The following NEFL variants were observed in gnomAD, a reference collection of about 807,000 sequenced individuals.
NEFL encodes the protein neurofilament light polypeptide.
Under a neutral mutation model 51.6 loss-of-function variants are expected in NEFL, and 36 were observed. The ratio of observed to expected loss-of-function variants is 0.70; its 90% CI spans 0.53 to 0.92. The LOEUF is 0.92. Among genes scored for constraint, NEFL ranks in the 40% least tolerant of loss-of-function variants. The pLI is 0.00. For missense variants in NEFL, 671 were observed against 722.0 expected, an observed-to-expected ratio of 0.93 and a Z score of 0.81; for synonymous variants, 332 against 302.5, an observed-to-expected ratio of 1.10 and a Z score of -1.01.
In NEFL at chr8:24,955,953, G is replaced by T. The variant is rs748257673; in HGVS notation, c.563C>A (p.Ala188Asp). Residue 188 changes from alanine to aspartate, a missense_variant, in exon 1 of 4, where the codon GCC becomes GAC. Ala to Asp is a moderately radical substitution (Grantham distance 126, BLOSUM62 -2). Transcript: ENST00000610854. The surrounding 1 kb of genome is among the most constrained non-coding windows in gnomAD (Gnocchi z 4.0). ...GCGCGCTTCCATCAGCCGGCCCTCG[G>T]CGTCCTCGCGGCTCAGCACCTCCTC... ...YEEEVLSREDAEGRLMEARKG... is the reference protein window; with the variant it reads ...YEEEVLSREDDEGRLMEARKG... 2 of 1,602,734 alleles carry T rather than the reference G, an allele frequency of 1.2e-6. No homozygotes were observed. Among genetic ancestry groups the T allele is most frequent in the Non-Finnish European group, 8.5e-7 (1 of 1,179,174 alleles).
rs763967562 is a variant in NEFL, at chr8:24,954,325, A to T, written c.1045-20T>A. 1 of 1,606,606 alleles carries T rather than the reference A, an allele frequency of 6.2e-7. No homozygotes were observed. The highest frequency in any genetic ancestry group is 8.5e-7 in the Non-Finnish European group (1 of 1,178,058). On this transcript the variant is annotated intron_variant, in intron 1 of 3. Coordinates refer to ENST00000610854, the MANE Select transcript of NEFL (RefSeq NM_006158.5). ...CGTGTCCTGTTTGAAGACAAAAATA[A>T]AACAAAAAAAAAATCCGAGCATAAA...
At chr8:24,953,392 A>G (rs1802995569) in intron 3 of NEFL, 84 bp downstream of exon 3, 2 of 1,537,298 alleles carry the variant, frequency 1.3e-6, no homozygotes, top group South Asian at 2.4e-5. Flanking sequence ...TAAATGAGCA[A>G]GGCTTCATTT....
At position 24,956,144 on chromosome 8, in the gene NEFL, C is replaced by T. The variant is rs1433367736; in HGVS notation, c.372G>A (p.Val124=). The T allele has an allele frequency of 2.5e-6, 4 of 1,609,604 alleles. No homozygotes were observed. Among genetic ancestry groups the T allele is most frequent in the Admixed American group, 3.4e-5 (2 of 59,686 alleles). Residue 124 remains valine, a synonymous_variant, in exon 1 of 4, where the codon GTG becomes GTA. Transcript: ENST00000610854. The surrounding 1 kb of genome is among the most constrained non-coding windows in gnomAD (Gnocchi z 5.9). ...QNKVLEAELL[V]LRQKHSEPSR... ...ATGGCTCGGAGTGCTTCTGGCGCAG[C>T]ACCAGCAGCTCGGCTTCCAGGACCT...
rs775410647 is a variant in NEFL at position 24,956,317 on chromosome 8, T to A, written c.199A>T (p.Ser67Cys). Reference sequence around the variant, plus strand: ...TGGCTCAGGTCGAGGTTCTCCAGACTGGGCATCAACGATCCAGAGCTGGAG... The same window carrying A: ...TGGCTCAGGTCGAGGTTCTCCAGACAGGGCATCAACGATCCAGAGCTGGAG... ...YSSSSGSLMP[S>C]LENLDLSQVA... The change falls in exon 1 of 4, where the codon AGT becomes TGT. Residue 67 changes from serine to cysteine, a missense_variant. Coordinates refer to ENST00000610854, the MANE Select transcript of NEFL (RefSeq NM_006158.5). The surrounding 1 kb of genome is among the most constrained non-coding windows in gnomAD (Gnocchi z 5.9). 6.2e-7 allele frequency: 1 copy of A among 1,610,694 alleles called. No homozygotes were observed. Among genetic ancestry groups the A allele is most frequent in the African/African-American group, 1.3e-5 (1 of 74,994 alleles).
chr8:24,955,473 T>C lies in NEFL; in HGVS notation c.1043A>G (p.Gln348Arg). 1 of 1,533,342 alleles carries C rather than the reference T, an allele frequency of 6.5e-7. No homozygotes were observed. Among genetic ancestry groups the C allele is most frequent in the South Asian group, 1.1e-5 (1 of 88,712 alleles). The allele number at this position is 1,533,342 out of a possible 1,614,324, so 95.0% of individuals were successfully genotyped here. A position where few individuals can be genotyped will look rare whatever the true frequency, so the allele number is the denominator to read the frequency against. The part of the protein sequence containing the change: ...DKQNADISAM[Q>R]DTINKLENEL... ...CCTGTGTTTCTGGCCGTGCCGCACC[T>C]GCATAGCGCTGATGTCGGCGTTCTG... is the stretch of plus-strand genomic sequence containing the variant. Residue 348 changes from glutamine (Q) to arginine (R), a missense_variant and splice_region_variant, in exon 1 of 4, where the codon CAG becomes CGG. By Grantham distance (43) the Gln-to-Arg change is conservative. Transcript: ENST00000610854. This position sits in a 1 kb window ranked among gnomAD's most constrained non-coding sequence, Gnocchi z 4.0.
Position 24,956,237 on chromosome 8 carries a change from C to G in NEFL, c.279G>C (p.Gln93His). ...LKSIRTQEKA[Q>H]LQDLNDRFAS... ...CGAAGCGGTCATTGAGGTCCTGGAG[C>G]TGCGCCTTCTCCTGCGTGCGGATGG... Residue 93 changes from glutamine to histidine, a missense_variant, in exon 1 of 4, where the codon CAG becomes CAC. Physicochemically the swap from Gln to His is conservative, Grantham distance 24. Transcript: ENST00000610854. This position sits in a 1 kb window ranked among gnomAD's most constrained non-coding sequence, Gnocchi z 5.9. 1.2e-6 allele frequency: 2 copies of G among 1,611,916 alleles called. No individual in the cohort carries two copies. Among genetic ancestry groups the G allele is most frequent in the Non-Finnish European group, 1.7e-6 (2 of 1,179,158 alleles).
chr8:24,951,994 G>T lies in NEFL; in HGVS notation c.*816C>A, dbSNP rs1359208568. On this transcript the variant is annotated 3_prime_UTR_variant, in exon 4 of 4. Transcript: ENST00000610854. ...GACCTATTTATCATGGTTCCATAGT[G>T]TAATGGTTAGCACTCTAGACTCTGA... is the stretch of plus-strand genomic sequence containing the variant. The T allele has an allele frequency of 1.3e-5, 2 of 152,228 alleles. No homozygotes were observed. The highest frequency in any genetic ancestry group is 4.8e-5 in the African/African-American group (2 of 41,394). The allele number at this position is 152,228 out of a possible 1,614,324, so 9.4% of individuals were successfully genotyped here.
At position 24,955,958 on chromosome 8, in the gene NEFL, C is replaced by T. The variant is rs554279852; in HGVS notation, c.558G>A (p.Glu186=). The change falls in exon 1 of 4, where the codon GAG becomes GAA. Residue 186 remains glutamate (E), a synonymous_variant. Coordinates refer to ENST00000610854, the MANE Select transcript of NEFL (RefSeq NM_006158.5). This position sits in a 1 kb window ranked among gnomAD's most constrained non-coding sequence, Gnocchi z 4.0. ...CTTCCATCAGCCGGCCCTCGGCGTC[C>T]TCGCGGCTCAGCACCTCCTCTTCAT... ...ARYEEEVLSR[E]DAEGRLMEAR... is the part of the protein sequence containing the mutation. 64 of 1,602,802 alleles carry T rather than the reference C, an allele frequency of 4.0e-5. 3 individuals are homozygous for T. In the South Asian group the frequency reaches 6.6e-4, roughly 17 times the overall value.
intron 2 of NEFL, 172 bp downstream of exon 2, chr8:24,954,009 G>C (rs1481252601): frequency 8.4e-7 from 1 of 1,194,512 alleles, no homozygotes; most frequent in African/African-American, 1.5e-5. Flanking sequence ...CCTAATTACA[G>C]GGTTAAATTC....
intron 1 of NEFL, among the ~76,000 whole-genome samples, 156 bp from the exon 2 acceptor site, chr8:24,954,461 A>G (rs1482611822): frequency 6.6e-6 from 1 of 152,238 alleles, no homozygotes; most frequent in African/African-American, 2.4e-5. Flanking sequence ...TATCTTTTGA[A>G]AAACCTTCAT....
chr8:24,956,021 T>C lies in NEFL; in HGVS notation c.495A>G (p.Glu165=), dbSNP rs755224307. The part of the protein sequence containing the change: ...NEKQALQGER[E]GLEETLRNLQ... Reference sequence around the variant, plus strand: ...GGTTGCGCAGGGTCTCCTCCAGCCCTTCGCGCTCGCCCTGGAGCGCCTGCT... The same window carrying C: ...GGTTGCGCAGGGTCTCCTCCAGCCCCTCGCGCTCGCCCTGGAGCGCCTGCT... Residue 165 remains glutamate (E), a synonymous_variant, in exon 1 of 4, where the codon GAA becomes GAG. Transcript: ENST00000610854. This position sits in a 1 kb window ranked among gnomAD's most constrained non-coding sequence, Gnocchi z 5.9. 1 of 1,604,758 alleles carries C rather than the reference T, an allele frequency of 6.2e-7. No individual in the cohort carries two copies. Among genetic ancestry groups the C allele is most frequent in the Non-Finnish European group, 8.5e-7 (1 of 1,179,216 alleles).
rs758191113 is a variant in NEFL, at chr8:24,956,178, T to G, written c.338A>C (p.Gln113Pro). The G allele has an allele frequency of 1.4e-4, 230 of 1,610,342 alleles. No homozygotes were observed. The highest frequency in any genetic ancestry group is 2.9e-5 in the Non-Finnish European group (34 of 1,178,696). The change falls in exon 1 of 4, where the codon CAG becomes CCG. Residue 113 changes from glutamine (Q) to proline (P), a missense_variant. Physicochemically the swap from Gln to Pro is moderately conservative, Grantham distance 76. Transcript: ENST00000610854. This position sits in a 1 kb window ranked among gnomAD's most constrained non-coding sequence, Gnocchi z 5.9. The part of the protein sequence containing the change: ...SFIERVHELE[Q>P]QNKVLEAELL... ...CTCGGCTTCCAGGACCTTGTTCTGC[T>G]GCTCCAGCTCGTGCACGCGCTCGAT... is the stretch of plus-strand genomic sequence containing the variant.
rs1802971256 is a variant in NEFL, at chr8:24,951,667, A to G, written c.*1143T>C. On this transcript the variant is annotated 3_prime_UTR_variant, in exon 4 of 4. Coordinates refer to ENST00000610854, the MANE Select transcript of NEFL (RefSeq NM_006158.5). ...GTCTGTAGCTTTTAAAGGTTTAAAA[A>G]TGTGTAGCATTAAGTGGTATTTACT... 6.6e-6 allele frequency: 1 copy of G among 152,648 alleles called. No homozygotes were observed. The highest frequency in any genetic ancestry group is 6.5e-5 in the Admixed American group (1 of 15,278). 9.5% of individuals were successfully genotyped at this position (152,648 alleles called of 1,614,324 possible).
rs889915274 is a variant in NEFL, at chr8:24,955,022, G to C, written c.1044+450C>G. ...TCTACCTACTAAATAAAGGAAGGGA[G>C]TGGTTGGTAAAACTAGTCATAAAGC... is the stretch of plus-strand genomic sequence containing the variant. On this transcript the variant is annotated intron_variant, in intron 1 of 3. Transcript: ENST00000610854. This position sits in a 1 kb window ranked among gnomAD's most constrained non-coding sequence, Gnocchi z 4.0. Among the ~76,000 whole-genome samples the C allele has an allele frequency of 6.6e-6, 1 of 152,170 alleles. No individual in the cohort carries two copies. The highest frequency in any genetic ancestry group is 6.5e-5 in the Admixed American group (1 of 15,278).
Position 24,955,432 on chromosome 8 carries a change from T to TGGGGGGGGGGGGGGGGGGGGG in NEFL, c.1044+39_1044+40insCCCCCCCCCCCCCCCCCCCCC. ...TGGGCGCACCAACTCCCCCCCTTGC[T>TGGGGGGGGGGGGGGGGGGGGG]CGAGTCCCCCGCCCCCCTGTGTTTC... On this transcript the variant is annotated intron_variant, in intron 1 of 3. Coordinates refer to ENST00000610854, the MANE Select transcript of NEFL (RefSeq NM_006158.5). This position sits in a 1 kb window ranked among gnomAD's most constrained non-coding sequence, Gnocchi z 4.0. The TGGGGGGGGGGGGGGGGGGGGG allele has an allele frequency of 1.7e-6, 1 of 576,442 alleles. No individual in the cohort carries two copies. The highest frequency in any genetic ancestry group is 2.9e-6 in the Non-Finnish European group (1 of 341,180). 35.7% of individuals were successfully genotyped at this position (576,442 alleles called of 1,614,324 possible). A position where few individuals can be genotyped will look rare whatever the true frequency, so the allele number is the denominator to read the frequency against.
In NEFL at chr8:24,952,808, G is replaced by T. The variant is rs754312148; in HGVS notation, c.*2C>A. 55 of 1,613,868 alleles carry T rather than the reference G, an allele frequency of 3.4e-5. No individual in the cohort carries two copies. The highest frequency in any genetic ancestry group is 4.4e-5 in the Non-Finnish European group (52 of 1,179,856). On this transcript the variant is annotated 3_prime_UTR_variant, in exon 4 of 4. Coordinates refer to ENST00000610854, the MANE Select transcript of NEFL (RefSeq NM_006158.5). ...TCCTGAAATAATTAAGGAAATGGGGGTTCAATCTTTCTTCTTAGCTGCTTG... is the reference window on the plus strand; with the variant it reads ...TCCTGAAATAATTAAGGAAATGGGGTTTCAATCTTTCTTCTTAGCTGCTTG...
At position 24,955,306 on chromosome 8, in the gene NEFL, C is replaced by A; in HGVS notation, c.1044+166G>T. ...CCCAGACTACAGTGGCGCCCGCACTCACGCCCTTCAAGTGCCCCACCCCTC... is the reference window on the plus strand; with the variant it reads ...CCCAGACTACAGTGGCGCCCGCACTAACGCCCTTCAAGTGCCCCACCCCTC... On this transcript the variant is annotated intron_variant, in intron 1 of 3. Transcript: ENST00000610854. The surrounding 1 kb of genome is among the most constrained non-coding windows in gnomAD (Gnocchi z 4.0). The A allele has an allele frequency of 1.5e-6, 1 of 675,076 alleles. No homozygotes were observed. Among genetic ancestry groups the A allele is most frequent in the South Asian group, 2.0e-5 (1 of 50,152 alleles). 41.8% of individuals were successfully genotyped at this position (675,076 alleles called of 1,614,324 possible).
In NEFL at chr8:24,956,406, C is replaced by A. The variant is rs1188264059; in HGVS notation, c.110G>T (p.Arg37Leu). 1 of 1,603,456 alleles carries A rather than the reference C, an allele frequency of 6.2e-7. No homozygotes were observed. The change falls in exon 1 of 4, where the codon CGC (arginine) becomes CTC (leucine). Residue 37 changes from arginine (R) to leucine (L), a missense_variant. Coordinates refer to ENST00000610854, the MANE Select transcript of NEFL (RefSeq NM_006158.5). This position sits in a 1 kb window ranked among gnomAD's most constrained non-coding sequence, Gnocchi z 5.9. Reference protein sequence around the residue: ...SSVRSGYSTARSAYSSYSAPV... With the variant: ...SSVRSGYSTALSAYSSYSAPV... Reference sequence around the variant, plus strand: ...CGCCGAGTAGCTGGAGTAAGCTGAGCGTGCGGTGCTGTAGCCGCTGCGCAC... The same window carrying A: ...CGCCGAGTAGCTGGAGTAAGCTGAGAGTGCGGTGCTGTAGCCGCTGCGCAC...
intron 2 of NEFL, 189 bp from the exon 3 acceptor site, chr8:24,953,984 G>A (rs922980887): frequency 5.1e-6 from 6 of 1,170,086 alleles, no homozygotes; most frequent in Non-Finnish European, 4.7e-6. Context: ...GTAATGACAA[G>A]ATAAAAACAG....
Sources: gnomAD v4.1 joint callset for allele counts (sites outside exome capture counted in the v4.1 genomes callset) on GRCh38, gnomAD v4.1.1 for gene constraint, Gnocchi (gnomAD v3.1) non-coding constraint, MANE v1.5 for transcripts, NCBI Gene and HGNC (gene_info 2026-07-23, HGNC 2026-07-21) for gene names.